The following PTPRD variants were observed in gnomAD, a reference collection of about 807,000 sequenced individuals.
PTPRD encodes protein tyrosine phosphatase receptor type D.
In PTPRD, 34 loss-of-function variants were observed where a neutral mutation model predicts 214.5. The observed-to-expected ratio is 0.16, with a 90% confidence interval of 0.12 to 0.21. The LOEUF (loss-of-function observed/expected upper bound fraction) is 0.21. Among genes scored for constraint, PTPRD ranks in the 10% least tolerant of loss-of-function variants. The pLI, the probability that PTPRD is intolerant of heterozygous loss-of-function variation, is 1.00. For missense variants in PTPRD, 2,545 were observed against 2,398.7 expected, an observed-to-expected ratio of 1.06 and a Z score of -1.27; for synonymous variants, 1,128 against 845.7, an observed-to-expected ratio of 1.33 and a Z score of -5.79.
At chr9:9,613,422 G>A (rs1386555630) in intron 7 of PTPRD, among the ~76,000 whole-genome samples, 1 of 151,864 alleles carries the variant, frequency 6.6e-6, no homozygotes, top group Admixed American at 6.6e-5. Flanking sequence ...CCCTGGGTGT[G>A]ATAGATAGAT....
intron 39 of PTPRD, among the ~76,000 whole-genome samples, chr9:8,358,702 C>T (rs1460774008): frequency 2.0e-5 from 3 of 152,060 alleles, no homozygotes; most frequent in African/African-American, 7.2e-5. Flanking sequence ...GTTAGCCTAA[C>T]CACAGAGTAG....
At chr9:8,792,246 T>C (rs886759192) in intron 11 of PTPRD, among the ~76,000 whole-genome samples, 1 of 152,162 alleles carries the variant, frequency 6.6e-6, no homozygotes, top group African/African-American at 2.4e-5. Context: ...ACTACAGAGA[T>C]TGTTACTTTG....
At chr9:10,456,878 G>A (rs75343665) in intron 2 of PTPRD, among the ~76,000 whole-genome samples, 1,825 of 151,852 alleles carry the variant, frequency 0.012, 34 homozygotes, top group African/African-American at 0.04. Flanking sequence ...CCCAATTCAT[G>A]AACAGGTAGT....
At chr9:10,222,349 T>G (rs2099574066) in intron 3 of PTPRD, among the ~76,000 whole-genome samples, 1 of 151,950 alleles carries the variant, frequency 6.6e-6, no homozygotes, top group South Asian at 2.1e-4. Flanking sequence ...AAAGAGAAAA[T>G]AAATAGAAAT....
intron 9 of PTPRD, among the ~76,000 whole-genome samples, chr9:9,184,893 A>G (rs1189427054): frequency 6.6e-6 from 1 of 152,102 alleles, no homozygotes; most frequent in Non-Finnish European, 1.5e-5. Context: ...AATAGGGAAC[A>G]TAAGGCTTCA....
At chr9:9,475,584 C>T (rs1405316131) in intron 8 of PTPRD, among the ~76,000 whole-genome samples, 1 of 152,130 alleles carries the variant, frequency 6.6e-6, no homozygotes, top group Admixed American at 6.5e-5. Context: ...TTCTGTCACC[C>T]TTGCTCTTCT....
intron 5 of PTPRD, among the ~76,000 whole-genome samples, chr9:9,845,997 G>A (rs937299859): frequency 6.6e-6 from 1 of 152,054 alleles, no homozygotes. Context: ...GAACTAAGGC[G>A]GGCAGGATAT....
Position 8,418,518 on chromosome 9 carries a change from G to A in PTPRD, c.4087-13858C>T, listed in dbSNP as rs377731495. ...GAAATACTGTCTGGTATATATCTGT[G>A]TAGTCTAGAAAATGGCTAGCCCAGT... On this transcript the variant is annotated intron_variant, in intron 35 of 45. Transcript: ENST00000381196. Among the ~76,000 whole-genome samples, 65 of 151,536 alleles carry A rather than the reference G, an allele frequency of 4.3e-4. 3 individuals carry two copies. The South Asian group carries it at 0.014, about 32-fold the overall frequency.
chr9:8,926,116 T>G (rs79270654), intron 11 of PTPRD, among the ~76,000 whole-genome samples: 7,170 of 152,060 alleles, frequency 0.047, 355 homozygotes, highest in East Asian at 0.19. Context: ...TTGCAGGCCC[T>G]TAACATGACG....
rs762404042 is a variant in PTPRD, at chr9:8,341,813, C to T, written c.4827G>A (p.Leu1609=). The change falls in exon 40 of 46, where the codon CTG becomes CTA. Residue 1609 remains leucine (L), a synonymous_variant. Coordinates refer to ENST00000381196, the MANE Select transcript of PTPRD (RefSeq NM_002839.4). ...TATTTCCACAAGTCACTGCTTCTAA[C>T]AGTGCATCATGGATAAAGATGTATT... ...EDQYIFIHDA[L]LEAVTCGNTE... is the part of the protein sequence containing the mutation. 14 of 1,613,480 alleles carry T rather than the reference C, an allele frequency of 8.7e-6. No individual in the cohort carries two copies. In the African/African-American group the frequency reaches 9.4e-5, roughly 11 times the overall value.
chr9:10,594,046 TAAA>T (rs1218805157), intron 2 of PTPRD, among the ~76,000 whole-genome samples: 1 of 151,950 alleles, frequency 6.6e-6, no homozygotes, highest in Non-Finnish European at 1.5e-5. Context: ...TAAGAATAAC[TAAA>T]CTTTTTGTGT....
intron 12 of PTPRD, among the ~76,000 whole-genome samples, chr9:8,693,883 A>T (rs891361380): frequency 4.6e-5 from 7 of 152,216 alleles, no homozygotes; most frequent in African/African-American, 1.7e-4. Context: ...TTTTTTCTCT[A>T]TAGACTTGTT....
chr9:10,131,192 T>G (rs1298829016), intron 3 of PTPRD, among the ~76,000 whole-genome samples: 1 of 152,144 alleles, frequency 6.6e-6, no homozygotes, highest in African/African-American at 2.4e-5. Context: ...TGTTTTAATT[T>G]TGGCCACCTG....
At chr9:10,487,605 G>A (rs1214106148) in intron 2 of PTPRD, among the ~76,000 whole-genome samples, 1 of 151,888 alleles carries the variant, frequency 6.6e-6, no homozygotes, top group Non-Finnish European at 1.5e-5. Context: ...CACAGGAAGA[G>A]AAGACCAAAT....
At chr9:8,368,984 C>T (rs1439595191) in intron 39 of PTPRD, among the ~76,000 whole-genome samples, 1 of 152,092 alleles carries the variant, frequency 6.6e-6, no homozygotes, top group Non-Finnish European at 1.5e-5. Flanking sequence ...AACAATCCTA[C>T]CTTTCATCTA....
intron 11 of PTPRD, among the ~76,000 whole-genome samples, chr9:8,854,083 A>G (rs1253615404): frequency 6.6e-6 from 1 of 152,172 alleles, no homozygotes; most frequent in Non-Finnish European, 1.5e-5. Context: ...CAAATCCTGT[A>G]TATTTCGTGA....
rs75384776 is a variant in PTPRD, at chr9:10,272,785, A to T, written c.-545+68178T>A. Among the ~76,000 whole-genome samples the T allele has an allele frequency of 0.017, 2,648 of 152,312 alleles. 126 individuals carry two copies. In the East Asian group the frequency reaches 0.21, roughly 12 times the overall value. On this transcript the variant is annotated intron_variant, in intron 3 of 45. Transcript: ENST00000381196. ...TATTCAACTTGACATTTTTCTATAAACAGAAATGTTTGCCTTTTTAAAATT... is the reference window on the plus strand; with the variant it reads ...TATTCAACTTGACATTTTTCTATAATCAGAAATGTTTGCCTTTTTAAAATT...
chr9:8,368,068 G>A (rs2080437254), intron 39 of PTPRD, among the ~76,000 whole-genome samples: 1 of 152,088 alleles, frequency 6.6e-6, no homozygotes, highest in Non-Finnish European at 1.5e-5. Flanking sequence ...TGGCCCCTAA[G>A]AGCAGCTCTA....
At chr9:8,745,767 G>A (rs184045484) in intron 11 of PTPRD, among the ~76,000 whole-genome samples, 90 of 148,746 alleles carry the variant, frequency 6.1e-4, no homozygotes, top group African/African-American at 2.1e-3. Flanking sequence ...TTACCATCAA[G>A]TTCTATTTTA....
Sources: allele counts gnomAD v4.1 joint callset (sites outside exome capture counted in the v4.1 genomes callset), GRCh38; gene constraint gnomAD v4.1.1; transcripts MANE v1.5; gene names NCBI Gene and HGNC (gene_info 2026-07-23, HGNC 2026-07-21).